CYP2J2: variants seen among roughly 807,000 people sequenced by gnomAD.
The protein encoded by CYP2J2 is cytochrome P450 2J2.
CYP2J2 carries 41 observed loss-of-function variants against 48.8 expected under a neutral mutation model. That is an observed-to-expected ratio of 0.84 (90% CI 0.66 to 1.09). The LOEUF is 1.09. Among genes scored for constraint, CYP2J2 ranks in the 50% least tolerant of loss-of-function variants. The pLI, the probability that CYP2J2 is intolerant of heterozygous loss-of-function variation, is 0.00. For missense variants in CYP2J2, 644 were observed against 617.3 expected, an observed-to-expected ratio of 1.04 and a Z score of -0.46; for synonymous variants, 221 against 227.1, an observed-to-expected ratio of 0.97 and a Z score of 0.24.
the CYP2J2 span, among the ~76,000 whole-genome samples, chr1:59,931,987 C>T: frequency 6.6e-6 from 1 of 151,940 alleles, no homozygotes; most frequent in Non-Finnish European, 1.5e-5. Flanking sequence ...TTTTTGAATG[C>T]TTTAAGGATT....
the CYP2J2 span, among the ~76,000 whole-genome samples, chr1:59,953,294 C>G: frequency 6.6e-6 from 1 of 152,068 alleles, no homozygotes; most frequent in Non-Finnish European, 1.5e-5. Flanking sequence ...ATCATGCATT[C>G]AACAAATATT....
the CYP2J2 span, among the ~76,000 whole-genome samples, chr1:59,954,885 T>C: frequency 6.6e-6 from 1 of 151,966 alleles, no homozygotes; most frequent in Non-Finnish European, 1.5e-5. Context: ...GCCTATAATT[T>C]CAGCACTTTG....
At chr1:59,950,951 TG>T in the CYP2J2 span, among the ~76,000 whole-genome samples, 5,018 of 152,302 alleles carry the variant, frequency 0.033, 138 homozygotes, top group Admixed American at 0.085. Context: ...GGCCTGAGCC[TG>T]GACCAGCATA....
chr1:59,957,116 GA>G, the CYP2J2 span, among the ~76,000 whole-genome samples: 3 of 152,262 alleles, frequency 2.0e-5, no homozygotes, highest in African/African-American at 4.8e-5. Context: ...ACTGTGAGAG[GA>G]AAGAAAATAA....
intron 1 of CYP2J2, among the ~76,000 whole-genome samples, chr1:59,923,578 A>AC (rs1644536844): frequency 6.6e-6 from 1 of 152,206 alleles, no homozygotes; most frequent in Non-Finnish European, 1.5e-5. Context: ...CAAACAAAAA[A>AC]TTAGGACATT....
the CYP2J2 span, among the ~76,000 whole-genome samples, chr1:59,950,260 G>T: frequency 4.5e-4 from 69 of 152,192 alleles, no homozygotes; most frequent in African/African-American, 1.7e-3. Context: ...TCTCCAGTCA[G>T]TTGCAGCCCT....
At chr1:59,955,278 CCATATATATA>C in the CYP2J2 span, among the ~76,000 whole-genome samples, 1 of 97,514 alleles carries the variant, frequency 1.0e-5, no homozygotes, top group South Asian at 2.9e-4. Context: ...ATATATATAT[CCATATATATA>C]TATCCATATA....
chr1:59,940,781 T>G, the CYP2J2 span, among the ~76,000 whole-genome samples: 1 of 152,202 alleles, frequency 6.6e-6, no homozygotes, highest in Non-Finnish European at 1.5e-5. Flanking sequence ...ATGTAGTATA[T>G]ATACACAATG....
intron 7 of CYP2J2, among the ~76,000 whole-genome samples, chr1:59,903,957 A>G (rs1056236652): frequency 1.3e-5 from 2 of 152,200 alleles, no homozygotes; most frequent in Admixed American, 1.3e-4. Context: ...TGAATAAGAC[A>G]TTTTGAAAGA....
At chr1:59,903,195 T>C (rs781225373) in intron 7 of CYP2J2, among the ~76,000 whole-genome samples, 4 of 152,144 alleles carry the variant, frequency 2.6e-5, no homozygotes, top group Non-Finnish European at 4.4e-5. Flanking sequence ...GCCCAATGGG[T>C]AAGCTCTTCT....
In CYP2J2 at chr1:59,912,211, G is replaced by A; in HGVS notation, c.474C>T (p.Arg158=). The part of the protein sequence containing the change: ...FGLGKKSLEE[R]IQEEAQHLTE... ...TGAGGTGTTGGGCCTCCTCCTGAATGCGTTCCTCTAAGCTCTTCTTTCCTA... is the reference window on the plus strand; with the variant it reads ...TGAGGTGTTGGGCCTCCTCCTGAATACGTTCCTCTAAGCTCTTCTTTCCTA... The change falls in exon 3 of 9, where the codon CGC becomes CGT. Residue 158 remains arginine, a synonymous_variant. Coordinates refer to ENST00000371204, the MANE Select transcript of CYP2J2 (RefSeq NM_000775.4). 3 of 1,613,872 alleles carry A rather than the reference G, an allele frequency of 1.9e-6. No homozygotes were observed. Among genetic ancestry groups the A allele is most frequent in the South Asian group, 1.1e-5 (1 of 91,050 alleles).
the CYP2J2 span, among the ~76,000 whole-genome samples, chr1:59,961,401 T>C: frequency 6.6e-6 from 1 of 152,198 alleles, no homozygotes; most frequent in African/African-American, 2.4e-5. Flanking sequence ...ATTAGGAAAA[T>C]GCAAATCAAA....
At chr1:59,936,094 G>A in the CYP2J2 span, among the ~76,000 whole-genome samples, 3 of 152,314 alleles carry the variant, frequency 2.0e-5, no homozygotes, top group East Asian at 5.8e-4. Flanking sequence ...CACTTGAGAT[G>A]TGAATATTAA....
the CYP2J2 span, among the ~76,000 whole-genome samples, chr1:59,953,701 T>C: frequency 1.3e-5 from 2 of 152,008 alleles, no homozygotes; most frequent in Non-Finnish European, 1.5e-5. Flanking sequence ...TTAGAGAAAG[T>C]GATCCAGAGA....
the CYP2J2 span, among the ~76,000 whole-genome samples, chr1:59,952,797 A>G: frequency 6.6e-6 from 1 of 152,228 alleles, no homozygotes; most frequent in Non-Finnish European, 1.5e-5. Context: ...CCCAATGCAT[A>G]GAAGCACTGG....
chr1:59,929,748 A>G (rs998362766), upstream of CYP2J2, among the ~76,000 whole-genome samples: 3 of 152,178 alleles, frequency 2.0e-5, no homozygotes, highest in African/African-American at 7.2e-5. Flanking sequence ...AAAAGAACAA[A>G]CAATCTCAGA....
intron 8 of CYP2J2, among the ~76,000 whole-genome samples, chr1:59,900,122 A>C (rs1034095661): frequency 1.3e-5 from 2 of 152,238 alleles, no homozygotes; most frequent in Non-Finnish European, 2.9e-5. Context: ...AGATTTTAAA[A>C]AATGAATTAA....
the CYP2J2 span, among the ~76,000 whole-genome samples, chr1:59,957,999 G>A: frequency 8.5e-5 from 13 of 152,084 alleles, no homozygotes; most frequent in African/African-American, 2.9e-4. Flanking sequence ...TTAAATTGAT[G>A]GTAAGGAACA....
At chr1:59,935,375 G>A in the CYP2J2 span, among the ~76,000 whole-genome samples, 1 of 151,926 alleles carries the variant, frequency 6.6e-6, no homozygotes, top group African/African-American at 2.4e-5. Context: ...CTTGAAATTT[G>A]GTTAAGAGGG....
Sources: gnomAD v4.1 joint callset for allele counts (sites outside exome capture counted in the v4.1 genomes callset) on GRCh38, gnomAD v4.1.1 for gene constraint, MANE v1.5 for transcripts, NCBI Gene and HGNC (gene_info 2026-07-23, HGNC 2026-07-21) for gene names.